Variants in MRO observed in about 807,000 individuals in gnomAD.
The protein encoded by MRO is protein maestro.
MRO carries 28 observed loss-of-function variants against 31.0 expected under a neutral mutation model. The ratio of observed to expected loss-of-function variants is 0.90; its 90% CI spans 0.67 to 1.24. MRO has a LOEUF of 1.24. Ranked by LOEUF, MRO falls within the 50% of genes most tolerant of loss-of-function variation. The pLI, the probability that MRO is intolerant of heterozygous loss-of-function variation, is 0.00. For missense variants in MRO, 332 were observed against 289.2 expected (o/e 1.15, Z -1.07); for synonymous variants, 108 against 108.4 (o/e 1.00, Z 0.02).
intron 4 of MRO, 51 bp from the exon 5 acceptor site, chr18:50,805,387 G>A: frequency 6.6e-7 from 1 of 1,508,850 alleles, no homozygotes; most frequent in Non-Finnish European, 9.1e-7. Flanking sequence ...GCTCCCCATA[G>A]GTTGAAAAGC....
intron 2 of MRO, among the ~76,000 whole-genome samples, chr18:50,813,679 T>C (rs941698353): frequency 6.6e-6 from 1 of 152,192 alleles, no homozygotes; most frequent in Non-Finnish European, 1.5e-5. Context: ...ATTTTAAAAT[T>C]CACATTAAGG....
In MRO at chr18:50,799,464, G is replaced by C; in HGVS notation, c.694-74C>G. 3.9e-6 allele frequency: 5 copies of C among 1,268,770 alleles called. 1 individual carries two copies. The South Asian group carries it at 4.8e-5, about 12-fold the overall frequency. 78.6% of individuals were successfully genotyped at this position (1,268,770 alleles called of 1,614,324 possible). A position where few individuals can be genotyped will look rare whatever the true frequency, so the allele number is the denominator to read the frequency against. ...TCCTTGACAATGTAACTAGTAGGCAGTGATCAGTGCAGGGCATGTGGATAA... is the reference window on the plus strand; with the variant it reads ...TCCTTGACAATGTAACTAGTAGGCACTGATCAGTGCAGGGCATGTGGATAA... On this transcript the variant is annotated intron_variant, in intron 7 of 7. Transcript: ENST00000398439.
Position 50,800,074 on chromosome 18 carries a change from C to T in MRO, c.655G>A (p.Glu219Lys). 6.2e-7 allele frequency: 1 copy of T among 1,613,848 alleles called. No homozygotes were observed. The highest frequency in any genetic ancestry group is 8.5e-7 in the Non-Finnish European group (1 of 1,179,822). Reference protein sequence around the residue: ...KLKEEYSFQSEEDQRNTKLYQ... With the variant: ...KLKEEYSFQSKEDQRNTKLYQ... ...AGCTTAGTGTTCCTTTGATCTTCTT[C>T]ACTCTGGAAGCTGTATTCCTCCTTT... The change falls in exon 7 of 8, where the codon GAA becomes AAA. Residue 219 changes from glutamate (E) to lysine (K), a missense_variant. Coordinates refer to ENST00000398439, the MANE Select transcript of MRO (RefSeq NM_031939.6).
Position 50,796,023 on chromosome 18 carries a change from G to GAGGGTCTGGGCACTTAT in MRO, c.*3313_*3314insATAAGTGCCCAGACCCT, listed in dbSNP as rs1912763403. 6.6e-6 allele frequency: 1 copy of GAGGGTCTGGGCACTTAT among 152,098 alleles called. No individual in the cohort carries two copies. Among genetic ancestry groups the GAGGGTCTGGGCACTTAT allele is most frequent in the African/African-American group, 2.4e-5 (1 of 41,384 alleles). 9.4% of individuals were successfully genotyped at this position (152,098 alleles called of 1,614,324 possible). A position where few individuals can be genotyped will look rare whatever the true frequency, so the allele number is the denominator to read the frequency against. ...AGCAAAGCTCTACCCTGGGCACTTAGCATGAGGGTCGGGGCACTTGAACAT... is the reference window on the plus strand; with the variant it reads ...AGCAAAGCTCTACCCTGGGCACTTAGAGGGTCTGGGCACTTATCATGAGGGTCGGGGCACTTGAACAT... On this transcript the variant is annotated 3_prime_UTR_variant, in exon 8 of 8. Coordinates refer to ENST00000398439, the MANE Select transcript of MRO (RefSeq NM_031939.6).
At chr18:50,803,484 G>C (rs1040866860) in intron 5 of MRO, among the ~76,000 whole-genome samples, 2 of 151,550 alleles carry the variant, frequency 1.3e-5, no homozygotes, top group African/African-American at 4.9e-5. Flanking sequence ...TCCAGCCTGG[G>C]CAATACAGCG....
intron 2 of MRO, among the ~76,000 whole-genome samples, chr18:50,812,190 T>C (rs1914534206): frequency 6.6e-6 from 1 of 152,236 alleles, no homozygotes; most frequent in Non-Finnish European, 1.5e-5. Flanking sequence ...ATTATTGTTA[T>C]TATTACTAGA....
At chr18:50,806,991 T>G (rs1421870497) in intron 3 of MRO, 141 bp from the exon 4 acceptor site, 1 of 830,204 alleles carries the variant, frequency 1.2e-6, no homozygotes, top group Non-Finnish European at 1.9e-6. Flanking sequence ...GACGGCTGGG[T>G]TTTGTTGGAA....
chr18:50,819,959 C>T lies in MRO; in HGVS notation c.-189G>A. 1.3e-6 allele frequency: 2 copies of T among 1,551,544 alleles called. No homozygotes were observed. The highest frequency in any genetic ancestry group is 1.7e-6 in the Non-Finnish European group (2 of 1,146,932). On this transcript the variant is annotated 5_prime_UTR_variant, in exon 1 of 8. Coordinates refer to ENST00000398439, the MANE Select transcript of MRO (RefSeq NM_031939.6). The stretch of plus-strand genomic sequence containing the variant: ...CTCCTTGCTGTGATTTCCCCTCCTT[C>T]TTCCCTCATGCCAGCCTGGTCGACA...
upstream of MRO, among the ~76,000 whole-genome samples, chr18:50,823,032 G>C (rs1208010154): frequency 2.6e-5 from 4 of 152,108 alleles, no homozygotes; most frequent in Non-Finnish European, 4.4e-5. Context: ...CTTTGTAGAG[G>C]ATGGAGCATC....
chr18:50,800,846 A>C (rs1230561275), intron 6 of MRO, among the ~76,000 whole-genome samples: 1 of 150,322 alleles, frequency 6.7e-6, no homozygotes, highest in Non-Finnish European at 1.5e-5. Context: ...AGATCACACC[A>C]CTGCACTCCA....
chr18:50,819,508 G>T (rs1440708410), intron 2 of MRO, 73 bp downstream of exon 2: 5 of 1,533,368 alleles, frequency 3.3e-6, no homozygotes, highest in Non-Finnish European at 4.4e-6. Flanking sequence ...ATTCCAGAAA[G>T]GTTTTGGGAA....
At chr18:50,803,902 A>G (rs1913655168) in intron 5 of MRO, among the ~76,000 whole-genome samples, 1 of 152,252 alleles carries the variant, frequency 6.6e-6, no homozygotes, top group Non-Finnish European at 1.5e-5. Context: ...TCAGGGACAG[A>G]ATAACTGGCA....
upstream of MRO, among the ~76,000 whole-genome samples, chr18:50,822,224 G>T (rs72627212): frequency 5.2e-3 from 792 of 152,296 alleles, 21 homozygotes; most frequent in East Asian, 0.066. Flanking sequence ...TAATTATTTA[G>T]CCTGCATTAC....
Position 50,796,670 on chromosome 18 carries a change from T to C in MRO, c.*2667A>G, listed in dbSNP as rs761213237. ...CAGACTGAGCAAAGGTGAGGGGGTA[T>C]AGGAGAACAAGACATGTTGAGAGAA... On this transcript the variant is annotated 3_prime_UTR_variant, in exon 8 of 8. Transcript: ENST00000398439. The C allele has an allele frequency of 6.6e-6, 1 of 152,062 alleles. No individual in the cohort carries two copies. Among genetic ancestry groups the C allele is most frequent in the African/African-American group, 2.4e-5 (1 of 41,338 alleles). 9.4% of individuals were successfully genotyped at this position (152,062 alleles called of 1,614,324 possible). A position where few individuals can be genotyped will look rare whatever the true frequency, so the allele number is the denominator to read the frequency against.
chr18:50,801,523 A>T lies in MRO; in HGVS notation c.430-19T>A. On this transcript the variant is annotated intron_variant, in intron 5 of 7. Transcript: ENST00000398439. ...CGTTCTCCTGCGGTCCCCATCAACA[A>T]AACAATAAGAAAGCCAGATCATTAC... 1 of 1,567,422 alleles carries T rather than the reference A, an allele frequency of 6.4e-7. No individual in the cohort carries two copies. Among genetic ancestry groups the T allele is most frequent in the Non-Finnish European group, 8.6e-7 (1 of 1,157,502 alleles).
upstream of MRO, among the ~76,000 whole-genome samples, chr18:50,820,311 T>G (rs1485068502): frequency 6.6e-6 from 1 of 152,176 alleles, no homozygotes. Context: ...AAAGGAGCGA[T>G]TTAAGCTCTC....
chr18:50,807,803 T>G (rs1914089926), intron 3 of MRO, among the ~76,000 whole-genome samples: 1 of 152,210 alleles, frequency 6.6e-6, no homozygotes, highest in African/African-American at 2.4e-5. Flanking sequence ...CTTTAAGAAC[T>G]AAACTCTATC....
At chr18:50,806,530 C>G (rs1039882140) in intron 4 of MRO, among the ~76,000 whole-genome samples, 174 bp downstream of exon 4, 1 of 152,146 alleles carries the variant, frequency 6.6e-6, no homozygotes, top group Non-Finnish European at 1.5e-5. Context: ...TCCTGACCCG[C>G]GAAAACCCGA....
At chr18:50,803,011 C>T (rs1396385291) in intron 5 of MRO, among the ~76,000 whole-genome samples, 7 of 151,868 alleles carry the variant, frequency 4.6e-5, no homozygotes, top group South Asian at 2.1e-4. Context: ...TGTACAGACA[C>T]GTAAGACAGA....
Sources: gnomAD v4.1 joint callset for allele counts (sites outside exome capture counted in the v4.1 genomes callset) on GRCh38, gnomAD v4.1.1 for gene constraint, MANE v1.5 for transcripts, NCBI Gene and HGNC (gene_info 2026-07-23, HGNC 2026-07-21) for gene names.